The following MYO3A variants were observed in gnomAD, a reference collection of about 807,000 sequenced individuals.
MYO3A encodes myosin-IIIa.
In MYO3A, 180 loss-of-function variants were observed where a neutral mutation model predicts 192.7. The ratio of observed to expected loss-of-function variants is 0.93; its 90% CI spans 0.83 to 1.06. MYO3A has a LOEUF of 1.06. Among genes scored for constraint, MYO3A ranks in the 50% least tolerant of loss-of-function variants. The pLI, the probability that MYO3A is intolerant of heterozygous loss-of-function variation, is 0.00. For synonymous variants in MYO3A, 628 were observed against 645.3 expected (o/e 0.97, Z 0.41); for missense variants, 1,896 against 1,905.0 (o/e 1.00, Z 0.09).
intron 7 of MYO3A, among the ~76,000 whole-genome samples, chr10:26,018,760 T>C (rs777614470): frequency 5.9e-5 from 9 of 152,144 alleles, no homozygotes; most frequent in Non-Finnish European, 1.2e-4. Flanking sequence ...TAAACAAGAA[T>C]GTCTAAGGCA....
intron 18 of MYO3A, among the ~76,000 whole-genome samples, chr10:26,123,478 T>C (rs1273317789): frequency 6.6e-6 from 1 of 152,132 alleles, no homozygotes; most frequent in Non-Finnish European, 1.5e-5. Context: ...CAATTACAAA[T>C]AAATAGAAAA....
intron 20 of MYO3A, among the ~76,000 whole-genome samples, chr10:26,132,386 T>C (rs1839590019): frequency 1.3e-5 from 2 of 152,324 alleles, no homozygotes; most frequent in Middle Eastern, 3.4e-3. Context: ...CATTGTGGTA[T>C]AGAACATACA....
intron 34 of MYO3A, among the ~76,000 whole-genome samples, chr10:26,207,067 G>A (rs916466696): frequency 6.7e-6 from 1 of 149,756 alleles, no homozygotes; most frequent in African/African-American, 2.5e-5. Context: ...TTTTCTGTTT[G>A]GGTTTTTTTT....
intron 6 of MYO3A, among the ~76,000 whole-genome samples, chr10:26,004,968 T>C (rs1841092659): frequency 6.6e-6 from 1 of 152,184 alleles, no homozygotes; most frequent in South Asian, 2.1e-4. Flanking sequence ...TAATAATTAA[T>C]TCATCCAAAA....
At chr10:26,109,328 AC>A (rs1316256704) in intron 17 of MYO3A, among the ~76,000 whole-genome samples, 1 of 152,220 alleles carries the variant, frequency 6.6e-6, no homozygotes, top group Non-Finnish European at 1.5e-5. Flanking sequence ...AATCCCAGTT[AC>A]CTGTAGTCAA....
At chr10:26,167,451 T>C (rs1025895404) in intron 27 of MYO3A, among the ~76,000 whole-genome samples, 1 of 152,204 alleles carries the variant, frequency 6.6e-6, no homozygotes, top group African/African-American at 2.4e-5. Flanking sequence ...TTTATCAGGC[T>C]AAAATCTCAT....
chr10:26,105,695 A>G (rs1483152829), intron 17 of MYO3A, among the ~76,000 whole-genome samples: 1 of 152,076 alleles, frequency 6.6e-6, no homozygotes, highest in African/African-American at 2.4e-5. Flanking sequence ...ATGAAGTTCT[A>G]AATTTTCGTT....
chr10:26,078,125 C>T (rs1835706368), intron 14 of MYO3A, among the ~76,000 whole-genome samples: 1 of 109,726 alleles, frequency 9.1e-6, no homozygotes. Context: ...CCATCTGGTC[C>T]TGGACTTTTT....
intron 4 of MYO3A, among the ~76,000 whole-genome samples, chr10:25,979,422 AAAAG>A (rs1839166397): frequency 1.3e-5 from 2 of 151,644 alleles, no homozygotes; most frequent in African/African-American, 4.9e-5. Flanking sequence ...CAAAAAAAAA[AAAAG>A]AAAACAGTGA....
intron 8 of MYO3A, chr10:26,022,422 A>G (rs17666095): frequency 6.6e-6 from 1 of 152,104 alleles, no homozygotes; most frequent in Non-Finnish European, 1.5e-5. Flanking sequence ...CTGTGGTGAC[A>G]GGGTTCCAAA....
intron 10 of MYO3A, among the ~76,000 whole-genome samples, chr10:26,039,979 G>A (rs1388499470): frequency 6.7e-6 from 1 of 150,146 alleles, no homozygotes; most frequent in Non-Finnish European, 1.5e-5. Flanking sequence ...TTTATTTGAA[G>A]TTTTTTTTTA....
At position 25,948,972 on chromosome 10, in the gene MYO3A, G is replaced by GA. The variant is rs566651142; in HGVS notation, c.-17-3116dup. ...ATTTGTCTGATTGAGAACTGTTAAA[G>GA]AAAAAATTGCATTTTAAACAAATTC... On this transcript the variant is annotated intron_variant, in intron 2 of 34. Coordinates refer to ENST00000642920, the MANE Select transcript of MYO3A (RefSeq NM_017433.5). Among the ~76,000 whole-genome samples the GA allele has an allele frequency of 1.4e-3, 209 of 152,070 alleles. 1 individual carries two copies. Among genetic ancestry groups the GA allele is most frequent in the South Asian group, 7.3e-3 (35 of 4,818 alleles).
Position 26,068,790 on chromosome 10 carries a change from A to T in MYO3A, c.1076A>T (p.Glu359Val), listed in dbSNP as rs763900335. The T allele has an allele frequency of 1.3e-6, 2 of 1,588,618 alleles. No homozygotes were observed. Among genetic ancestry groups the T allele is most frequent in the East Asian group, 4.5e-5 (2 of 44,702 alleles). Reference protein sequence around the residue: ...LDENTVSEQLEKCYSRDQIYV... With the variant: ...LDENTVSEQLVKCYSRDQIYV... ...CAGAATACAGTCTCAGAGCAACTTG[A>T]GAAGTGTTATTCCAGAGATCAGATC... Residue 359 changes from glutamate (E) to valine (V), a missense_variant, in exon 12 of 35, where the codon GAG becomes GTG. Physicochemically the swap from Glu to Val is moderately radical, Grantham distance 121 (BLOSUM62 -2). Coordinates refer to ENST00000642920, the MANE Select transcript of MYO3A (RefSeq NM_017433.5).
intron 18 of MYO3A, 143 bp from the exon 19 acceptor site, chr10:26,125,255 G>T: frequency 1.2e-6 from 1 of 801,426 alleles, no homozygotes; most frequent in Non-Finnish European, 2.1e-6. Flanking sequence ...GACTCATGTT[G>T]GATAGTATCA....
chr10:26,122,860 G>A lies in MYO3A; in HGVS notation c.1903+2058G>A, dbSNP rs181849283. ...AATTTATCCCCAGGTAAAATGCCTAGCATGTAGTAGACAATAAATGTATGT... is the reference window on the plus strand; with the variant it reads ...AATTTATCCCCAGGTAAAATGCCTAACATGTAGTAGACAATAAATGTATGT... On this transcript the variant is annotated intron_variant, in intron 18 of 34. Transcript: ENST00000642920. 2.3e-4 allele frequency among the ~76,000 whole-genome samples: 35 copies of A among 152,288 alleles called. No homozygotes were observed. The East Asian group carries it at 6.6e-3, about 29-fold the overall frequency.
In MYO3A at chr10:26,108,355, G is replaced by A. The variant is rs144202579; in HGVS notation, c.1776+11673G>A. On this transcript the variant is annotated intron_variant, in intron 17 of 34. Coordinates refer to ENST00000642920, the MANE Select transcript of MYO3A (RefSeq NM_017433.5). ...CTTAAGAAGTTTACCAAGATCCCTT[G>A]GGTTATCAGATCTCTAGTAAGAGCT... Among the ~76,000 whole-genome samples the A allele has an allele frequency of 4.3e-3, 660 of 152,124 alleles. 4 individuals are homozygous for A. The highest frequency in any genetic ancestry group is 0.015 in the African/African-American group (629 of 41,466).
intron 4 of MYO3A, among the ~76,000 whole-genome samples, chr10:25,978,278 A>G (rs1357283970): frequency 6.6e-6 from 1 of 152,220 alleles, no homozygotes; most frequent in Non-Finnish European, 1.5e-5. Context: ...GTCAGTAAAG[A>G]CATACCCAAG....
intron 31 of MYO3A, among the ~76,000 whole-genome samples, chr10:26,188,243 T>C (rs1039119890): frequency 2.0e-5 from 3 of 152,230 alleles, no homozygotes; most frequent in African/African-American, 7.2e-5. Context: ...TGATGGCCAG[T>C]GATGATGAGC....
At chr10:25,983,423 T>C (rs1839455185) in intron 4 of MYO3A, among the ~76,000 whole-genome samples, 1 of 151,406 alleles carries the variant, frequency 6.6e-6, no homozygotes, top group Non-Finnish European at 1.5e-5. Flanking sequence ...GCCCAGCTAA[T>C]TTTTTTTGTA....
Sources: gnomAD v4.1 joint callset for allele counts (sites outside exome capture counted in the v4.1 genomes callset) on GRCh38, gnomAD v4.1.1 for gene constraint, MANE v1.5 for transcripts, NCBI Gene and HGNC (gene_info 2026-07-23, HGNC 2026-07-21) for gene names.